Variants in RANBP17 observed in about 807,000 individuals in gnomAD.
The protein encoded by RANBP17 is RAN binding protein 17.
A neutral mutation model predicts 141.2 loss-of-function variants in RANBP17; 158 were observed. The observed-to-expected ratio is 1.12, with a 90% confidence interval of 0.98 to 1.28. RANBP17 has a LOEUF of 1.28. Among genes scored for constraint, RANBP17 ranks in the 50% most tolerant of loss-of-function variants. The probability of loss-of-function intolerance (pLI) is 0.00; values close to 1 mark genes in which losing one functional copy is unlikely to be tolerated. For missense variants in RANBP17, 1,438 were observed against 1,290.7 expected (o/e 1.11, Z -1.75); for synonymous variants, 430 against 450.0 (o/e 0.96, Z 0.56).
intron 14 of RANBP17, among the ~76,000 whole-genome samples, chr5:171,089,538 G>A (rs970379053): frequency 3.9e-5 from 6 of 152,006 alleles, no homozygotes; most frequent in African/African-American, 1.4e-4. Flanking sequence ...CTGGGCAATG[G>A]CGGGCGCCCC....
intron 11 of RANBP17, among the ~76,000 whole-genome samples, chr5:170,920,762 T>C (rs990337047): frequency 6.6e-6 from 1 of 152,146 alleles, no homozygotes; most frequent in African/African-American, 2.4e-5. Flanking sequence ...GCATCTGTTG[T>C]TTCCTGACTT....
chr5:171,009,035 A>AATGTTCATTTCAG (rs1779852721), intron 14 of RANBP17, among the ~76,000 whole-genome samples: 1 of 152,226 alleles, frequency 6.6e-6, no homozygotes, highest in African/African-American at 2.4e-5. Context: ...GTTCATTTCA[A>AATGTTCATTTCAG]TGCCATGGCT....
chr5:170,967,235 T>C (rs1276483657), intron 13 of RANBP17, among the ~76,000 whole-genome samples: 1 of 152,124 alleles, frequency 6.6e-6, no homozygotes, highest in African/African-American at 2.4e-5. Flanking sequence ...GAGGAGAATC[T>C]GTAGTCATAT....
At chr5:170,959,837 C>T (rs535980352) in intron 13 of RANBP17, among the ~76,000 whole-genome samples, 1 of 152,282 alleles carries the variant, frequency 6.6e-6, no homozygotes, top group Admixed American at 6.5e-5. Flanking sequence ...TCATCTTAAA[C>T]ATTGGGTAGG....
intron 25 of RANBP17, among the ~76,000 whole-genome samples, chr5:171,287,057 G>T (rs1768211717): frequency 6.6e-6 from 1 of 152,188 alleles, no homozygotes; most frequent in Non-Finnish European, 1.5e-5. Context: ...AGCAGCTCTT[G>T]AAACTTAGAT....
rs1230205889 is a variant in RANBP17 at position 170,955,660 on chromosome 5, A to G, written c.1574+1958A>G. On this transcript the variant is annotated intron_variant, in intron 13 of 27. Transcript: ENST00000523189. ...ATATATGCTCAGTGTATATATATAT[A>G]TATATATATATATATATATATACAC... is the stretch of plus-strand genomic sequence containing the variant. Among the ~76,000 whole-genome samples, 14 of 56,922 alleles carry G rather than the reference A, an allele frequency of 2.5e-4. 3 individuals carry two copies. The South Asian group carries it at 8.5e-3, about 35-fold the overall frequency. The allele number at this position is 56,922 out of a possible 152,430, so 37.3% of individuals were successfully genotyped here. A position where few individuals can be genotyped will look rare whatever the true frequency, so the allele number is the denominator to read the frequency against.
chr5:170,979,357 A>T (rs1028374177), intron 14 of RANBP17, among the ~76,000 whole-genome samples: 1 of 152,236 alleles, frequency 6.6e-6, no homozygotes, highest in African/African-American at 2.4e-5. Flanking sequence ...CTAGTTAAAT[A>T]TAGCAAATTA....
In RANBP17 at chr5:170,964,740, A is replaced by T. The variant is rs1039605106; in HGVS notation, c.1575-3502A>T. 3.9e-5 allele frequency among the ~76,000 whole-genome samples: 6 copies of T among 152,160 alleles called. No individual in the cohort carries two copies. The South Asian group carries it at 8.3e-4, about 21-fold the overall frequency. Reference sequence around the variant, plus strand: ...AAGGACATGAACTCATCATTTTTTAAGGCTGCCTAGTATACCATGGTGTAT... The same window carrying T: ...AAGGACATGAACTCATCATTTTTTATGGCTGCCTAGTATACCATGGTGTAT... On this transcript the variant is annotated intron_variant, in intron 13 of 27. Transcript: ENST00000523189.
At chr5:171,091,876 T>C (rs886154339) in intron 14 of RANBP17, among the ~76,000 whole-genome samples, 18 of 152,160 alleles carry the variant, frequency 1.2e-4, no homozygotes, top group Non-Finnish European at 2.2e-4. Context: ...CTTTTGTAAA[T>C]CGCCCAGTCT....
At chr5:171,281,708 A>G (rs1170293452) in intron 25 of RANBP17, among the ~76,000 whole-genome samples, 2 of 152,216 alleles carry the variant, frequency 1.3e-5, no homozygotes, top group African/African-American at 2.4e-5. Context: ...TAGGTCCTCA[A>G]TAAGTATGAA....
chr5:171,088,949 T>G (rs1465530239), intron 14 of RANBP17, among the ~76,000 whole-genome samples: 1 of 151,870 alleles, frequency 6.6e-6, no homozygotes, highest in Admixed American at 6.6e-5. Context: ...GTCTGAAGCC[T>G]TCTTCTCTCA....
intron 14 of RANBP17, among the ~76,000 whole-genome samples, chr5:170,996,931 C>T (rs1347790244): frequency 6.6e-6 from 1 of 152,102 alleles, no homozygotes; most frequent in African/African-American, 2.4e-5. Flanking sequence ...GGTGATTAAA[C>T]ACATAAGAAT....
chr5:171,041,110 C>T (rs575808432), intron 14 of RANBP17, among the ~76,000 whole-genome samples: 5 of 152,224 alleles, frequency 3.3e-5, no homozygotes, highest in African/African-American at 1.2e-4. Context: ...ACCTCCTTGC[C>T]ACATGAAGCC....
intron 18 of RANBP17, 92 bp downstream of exon 18, chr5:171,183,522 C>T: frequency 1.2e-6 from 1 of 826,394 alleles, no homozygotes; most frequent in Non-Finnish European, 2.0e-6. Context: ...CAACATTTAA[C>T]TTATTAGAAT....
At chr5:170,935,808 G>C (rs1437374833) in intron 12 of RANBP17, among the ~76,000 whole-genome samples, 1 of 151,950 alleles carries the variant, frequency 6.6e-6, no homozygotes, top group Non-Finnish European at 1.5e-5. Context: ...GAGAACTACT[G>C]CTCTCTTCAA....
chr5:170,940,761 A>G (rs1460437101), intron 12 of RANBP17, among the ~76,000 whole-genome samples: 1 of 152,196 alleles, frequency 6.6e-6, no homozygotes, highest in South Asian at 2.1e-4. Flanking sequence ...GAATTGATGT[A>G]TATAAAACAC....
rs74451357 is a variant in RANBP17 at position 171,014,837 on chromosome 5, A to G, written c.1710+46460A>G. On this transcript the variant is annotated intron_variant, in intron 14 of 27. Coordinates refer to ENST00000523189, the MANE Select transcript of RANBP17 (RefSeq NM_022897.5). The stretch of plus-strand genomic sequence containing the variant: ...GGTTTCTTGTAAAATTTCATGTATT[A>G]GAGAAATCTTAATGACAGATTCTTT... 1.3e-3 allele frequency among the ~76,000 whole-genome samples: 199 copies of G among 152,128 alleles called. 1 individual carries two copies. The highest frequency in any genetic ancestry group is 4.7e-3 in the African/African-American group (194 of 41,560).
chr5:171,197,186 A>T (rs1762024760), intron 18 of RANBP17, among the ~76,000 whole-genome samples: 1 of 152,238 alleles, frequency 6.6e-6, no homozygotes, highest in African/African-American at 2.4e-5. Flanking sequence ...GTGTTAAGAA[A>T]ATAAAGATGT....
At chr5:171,124,524 T>G (rs139737484) in intron 14 of RANBP17, among the ~76,000 whole-genome samples, 1 of 151,952 alleles carries the variant, frequency 6.6e-6, no homozygotes, top group African/African-American at 2.4e-5. Context: ...AACTCAAAGA[T>G]CCCCTAATAT....
Sources: gnomAD v4.1 joint callset for allele counts (sites outside exome capture counted in the v4.1 genomes callset) on GRCh38, gnomAD v4.1.1 for gene constraint, MANE v1.5 for transcripts, NCBI Gene and HGNC (gene_info 2026-07-23, HGNC 2026-07-21) for gene names.